Variants in GRM8 observed in about 807,000 individuals in gnomAD.
The protein encoded by GRM8 is metabotropic glutamate receptor 8.
GRM8 carries 47 observed loss-of-function variants against 87.2 expected under a neutral mutation model. That is an observed-to-expected ratio of 0.54 (90% CI 0.43 to 0.69). The LOEUF is 0.69. GRM8 is among the 30% of genes least tolerant of loss of function. GRM8 has a pLI of 0.00. For synonymous variants in GRM8, 396 were observed against 404.5 expected, an observed-to-expected ratio of 0.98 and a Z score of 0.25; for missense variants, 1,019 against 1,139.2, an observed-to-expected ratio of 0.89 and a Z score of 1.52.
chr7:127,067,565 TTC>T (rs1821254402), intron 3 of GRM8, among the ~76,000 whole-genome samples: 1 of 152,210 alleles, frequency 6.6e-6, no homozygotes, highest in Non-Finnish European at 1.5e-5. Flanking sequence ...GTTTGTCTGT[TTC>T]TCTCTCTGAG....
At chr7:126,965,495 T>C (rs905732071) in intron 3 of GRM8, among the ~76,000 whole-genome samples, 1 of 152,178 alleles carries the variant, frequency 6.6e-6, no homozygotes, top group Non-Finnish European at 1.5e-5. Flanking sequence ...TTATATTTCC[T>C]AGTAGTCACA....
At chr7:126,513,998 CAG>C (rs1422964562) in intron 9 of GRM8, among the ~76,000 whole-genome samples, 2 of 152,074 alleles carry the variant, frequency 1.3e-5, no homozygotes, top group Non-Finnish European at 2.9e-5. Context: ...GTAGAGAGAA[CAG>C]AGTCAGCCTC....
chr7:126,729,692 A>C (rs909564651), intron 7 of GRM8, among the ~76,000 whole-genome samples: 3 of 152,152 alleles, frequency 2.0e-5, no homozygotes, highest in Non-Finnish European at 4.4e-5. Context: ...GTATGTGATT[A>C]CCTTGTGTCA....
intron 3 of GRM8, among the ~76,000 whole-genome samples, chr7:126,919,510 C>G (rs567086667): frequency 6.6e-6 from 1 of 152,052 alleles, no homozygotes; most frequent in East Asian, 1.9e-4. Flanking sequence ...GACTGGGGAT[C>G]TTAAAAACTG....
intron 3 of GRM8, among the ~76,000 whole-genome samples, chr7:126,969,285 G>T (rs942442373): frequency 6.6e-6 from 1 of 152,120 alleles, no homozygotes; most frequent in African/African-American, 2.4e-5. Flanking sequence ...CCTTTCACAA[G>T]AAATTTCTTG....
intron 6 of GRM8, among the ~76,000 whole-genome samples, chr7:126,787,604 T>C (rs1279261610): frequency 2.6e-5 from 4 of 152,176 alleles, no homozygotes; most frequent in Non-Finnish European, 5.9e-5. Flanking sequence ...TCAAACTTCC[T>C]CTTTTCCTAT....
chr7:126,663,963 C>T (rs74471563), intron 7 of GRM8, among the ~76,000 whole-genome samples: 2,989 of 152,228 alleles, frequency 0.02, 71 homozygotes, highest in African/African-American at 0.056. Flanking sequence ...ACAAAATCAA[C>T]GTGGAGAAAT....
At chr7:127,034,442 C>T (rs988369948) in intron 3 of GRM8, among the ~76,000 whole-genome samples, 2 of 152,158 alleles carry the variant, frequency 1.3e-5, no homozygotes, top group Non-Finnish European at 2.9e-5. Flanking sequence ...AGGTACACTG[C>T]CCCAAAATAA....
chr7:126,593,613 A>C (rs1351824134), intron 8 of GRM8, among the ~76,000 whole-genome samples: 1 of 152,068 alleles, frequency 6.6e-6, no homozygotes, highest in Non-Finnish European at 1.5e-5. Flanking sequence ...TGGATTAAAT[A>C]CTTAAATATA....
At chr7:126,630,184 A>C (rs1295335821) in intron 7 of GRM8, among the ~76,000 whole-genome samples, 1 of 152,064 alleles carries the variant, frequency 6.6e-6, no homozygotes, top group Non-Finnish European at 1.5e-5. Context: ...CTAAGCACTT[A>C]TTTTAATTAA....
intron 3 of GRM8, among the ~76,000 whole-genome samples, chr7:127,098,882 A>G (rs1020175512): frequency 4.6e-5 from 7 of 152,212 alleles, no homozygotes; most frequent in African/African-American, 1.7e-4. Flanking sequence ...TAAGCCATTC[A>G]TAAACATGAT....
chr7:126,661,405 T>G (rs965786870), intron 7 of GRM8, among the ~76,000 whole-genome samples: 1 of 152,206 alleles, frequency 6.6e-6, no homozygotes, highest in African/African-American at 2.4e-5. Flanking sequence ...AACATATGTT[T>G]TAAAAAACTC....
intron 8 of GRM8, among the ~76,000 whole-genome samples, chr7:126,578,161 T>C (rs1269295248): frequency 6.6e-6 from 1 of 152,150 alleles, no homozygotes; most frequent in Non-Finnish European, 1.5e-5. Flanking sequence ...GCAATACCCA[T>C]CATAATGGGT....
At chr7:127,212,334 C>A (rs558976131) in intron 2 of GRM8, among the ~76,000 whole-genome samples, 1 of 150,922 alleles carries the variant, frequency 6.6e-6, no homozygotes, top group Non-Finnish European at 1.5e-5. Flanking sequence ...TTATTTGGGT[C>A]AAGTTCATAC....
chr7:126,711,312 A>G (rs1289520733), intron 7 of GRM8, among the ~76,000 whole-genome samples: 1 of 152,216 alleles, frequency 6.6e-6, no homozygotes, highest in Non-Finnish European at 1.5e-5. Flanking sequence ...TATCTTCATC[A>G]GATCTTTTGG....
At chr7:127,152,537 C>A (rs1184198182) in intron 2 of GRM8, among the ~76,000 whole-genome samples, 1 of 152,168 alleles carries the variant, frequency 6.6e-6, no homozygotes. Flanking sequence ...TTGAAAGACA[C>A]TCAACCTGGA....
At chr7:126,650,744 G>A (rs1803737215) in intron 7 of GRM8, among the ~76,000 whole-genome samples, 2 of 151,872 alleles carry the variant, frequency 1.3e-5, no homozygotes, top group African/African-American at 4.8e-5. Flanking sequence ...TTCAGCAGAG[G>A]AGGATTTTAA....
chr7:127,017,461 G>C (rs1410473671), intron 3 of GRM8, among the ~76,000 whole-genome samples: 1 of 152,046 alleles, frequency 6.6e-6, no homozygotes, highest in Admixed American at 6.6e-5. Flanking sequence ...AACAGCTAGA[G>C]CTATTTGCCA....
chr7:126,919,791 C>T (rs1034040622), intron 3 of GRM8, among the ~76,000 whole-genome samples: 22 of 152,070 alleles, frequency 1.4e-4, no homozygotes, highest in African/African-American at 5.1e-4. Flanking sequence ...TCTGTCTTTC[C>T]CATTTTAAAA....
Sources: allele counts gnomAD v4.1 joint callset (sites outside exome capture counted in the v4.1 genomes callset), GRCh38; gene constraint gnomAD v4.1.1; transcripts MANE v1.5; gene names NCBI Gene and HGNC (gene_info 2026-07-23, HGNC 2026-07-21).